GRIP1: variants seen among roughly 807,000 people sequenced by gnomAD.
GRIP1 encodes glutamate receptor interacting protein 1.
In GRIP1, 45 loss-of-function variants were observed where a neutral mutation model predicts 129.9. The observed-to-expected ratio is 0.35, with a 90% CI of 0.27 to 0.44. The LOEUF is 0.44. Ranked by LOEUF, GRIP1 falls within the 20% of genes least tolerant of loss-of-function variation. The pLI is 1.00. For synonymous variants in GRIP1, 530 were observed against 520.8 expected (o/e 1.02, Z -0.24); for missense variants, 1,196 against 1,396.8 (o/e 0.86, Z 2.29).
At chr12:66,958,199 G>A (rs2137522261) in intron 1 of GRIP1, among the ~76,000 whole-genome samples, 1 of 152,206 alleles carries the variant, frequency 6.6e-6, no homozygotes, top group South Asian at 2.1e-4. Flanking sequence ...CAGTGCAGTG[G>A]CACAATCATG....
intron 7 of GRIP1, among the ~76,000 whole-genome samples, chr12:66,473,138 G>C (rs554116159): frequency 4.9e-4 from 75 of 152,244 alleles, no homozygotes; most frequent in African/African-American, 1.7e-3. Context: ...AAGTTTGGTG[G>C]GGGGAGGGGC....
chr12:66,880,642 ATT>A (rs2040462387), intron 1 of GRIP1, among the ~76,000 whole-genome samples: 1 of 152,130 alleles, frequency 6.6e-6, no homozygotes, highest in African/African-American at 2.4e-5. Context: ...TTATAATTGG[ATT>A]TTATAATAAA....
At chr12:66,435,901 G>A (rs1305928544) in intron 13 of GRIP1, among the ~76,000 whole-genome samples, 1 of 152,082 alleles carries the variant, frequency 6.6e-6, no homozygotes, top group Non-Finnish European at 1.5e-5. Flanking sequence ...ATCTTTAAAT[G>A]CCAACATGAT....
At chr12:66,615,463 A>G (rs1177181175) in intron 1 of GRIP1, among the ~76,000 whole-genome samples, 1 of 152,052 alleles carries the variant, frequency 6.6e-6, no homozygotes, top group Non-Finnish European at 1.5e-5. Flanking sequence ...TCCTTATCGT[A>G]TATTATACCT....
rs143357971 is a variant in GRIP1 at position 66,824,359 on chromosome 12, C to T, written c.59-227432G>A. 1.7e-3 allele frequency among the ~76,000 whole-genome samples: 254 copies of T among 152,276 alleles called. 1 individual carries two copies. Among genetic ancestry groups the T allele is most frequent in the African/African-American group, 5.4e-3 (223 of 41,560 alleles). The stretch of plus-strand genomic sequence containing the variant: ...GAAGCTCCAGGCCCAGGTCATGCGT[C>T]TACACTAGGACTGCCTCATATGATG... On this transcript the variant is annotated intron_variant, in intron 1 of 1. Transcript: ENST00000643019.
chr12:66,798,909 G>A (rs1371446262), intron 1 of GRIP1, among the ~76,000 whole-genome samples: 1 of 152,060 alleles, frequency 6.6e-6, no homozygotes, highest in South Asian at 2.1e-4. Flanking sequence ...CACCTATCAG[G>A]GAACTAAGTA....
chr12:66,673,482 T>C (rs2034178141), intron 1 of GRIP1, among the ~76,000 whole-genome samples: 1 of 151,740 alleles, frequency 6.6e-6, no homozygotes, highest in Non-Finnish European at 1.5e-5. Flanking sequence ...CTTGTTTATA[T>C]GGGGTCATAC....
In GRIP1 at chr12:66,723,292, CTTTCTTTCTTTCTTTTTTTTT is replaced by C. The variant is rs1565988035; in HGVS notation, c.-420+80740_-420+80760del. On this transcript the variant is annotated intron_variant, in intron 1 of 4. Transcript: ENST00000538373. ...CCTTCCTTCCTTCCTTCCTTTCTTT[CTTTCTTTCTTTCTTTTTTTTT>C]TTTTTTTTTTTTTTTTTGAGACAGA... Among the ~76,000 whole-genome samples the C allele has an allele frequency of 8.7e-3, 245 of 28,292 alleles. 24 individuals carry two copies. Among genetic ancestry groups the C allele is most frequent in the African/African-American group, 0.042 (234 of 5,596 alleles). 18.6% of individuals were successfully genotyped at this position (28,292 alleles called of 152,430 possible).
intron 1 of GRIP1, among the ~76,000 whole-genome samples, chr12:66,928,919 T>C (rs890660799): frequency 2.0e-5 from 3 of 152,212 alleles, no homozygotes; most frequent in African/African-American, 7.2e-5. Flanking sequence ...CAGGGAAAGA[T>C]GGTATGTTTA....
At chr12:66,825,915 C>G (rs1466286208) in intron 1 of GRIP1, among the ~76,000 whole-genome samples, 1 of 152,154 alleles carries the variant, frequency 6.6e-6, no homozygotes, top group Non-Finnish European at 1.5e-5. Flanking sequence ...CTTCAAGGAT[C>G]TAGAACCAGA....
At chr12:66,838,187 T>A (rs1292413516) in intron 1 of GRIP1, among the ~76,000 whole-genome samples, 11 of 137,510 alleles carry the variant, frequency 8.0e-5, no homozygotes, top group East Asian at 2.2e-4. Flanking sequence ...AGACTCCACC[T>A]AAAAAAAAAA....
At chr12:66,650,276 C>T (rs1041541271) in intron 1 of GRIP1, among the ~76,000 whole-genome samples, 1 of 152,160 alleles carries the variant, frequency 6.6e-6, no homozygotes, top group Non-Finnish European at 1.5e-5. Flanking sequence ...ATCTATGCCA[C>T]CTGTATCTCA....
At chr12:66,609,923 A>T (rs2064716384) in intron 1 of GRIP1, among the ~76,000 whole-genome samples, 1 of 152,172 alleles carries the variant, frequency 6.6e-6, no homozygotes, top group South Asian at 2.1e-4. Context: ...GAATTCTATT[A>T]GTAATAATAC....
intron 1 of GRIP1, among the ~76,000 whole-genome samples, chr12:66,878,692 T>C (rs2040423160): frequency 6.6e-6 from 1 of 152,034 alleles, no homozygotes; most frequent in Admixed American, 6.6e-5. Flanking sequence ...ACAATGCAGA[T>C]AAAAATCCCT....
intron 2 of GRIP1, among the ~76,000 whole-genome samples, chr12:66,560,150 C>A (rs1436667470): frequency 6.6e-6 from 1 of 152,052 alleles, no homozygotes; most frequent in African/African-American, 2.4e-5. Flanking sequence ...CCATCTCTTG[C>A]CATATACAAA....
intron 1 of GRIP1, among the ~76,000 whole-genome samples, chr12:66,778,629 A>G (rs1396769280): frequency 1.3e-5 from 2 of 152,226 alleles, no homozygotes; most frequent in Non-Finnish European, 2.9e-5. Flanking sequence ...TATGACAAAA[A>G]AAGAATGTAA....
At chr12:66,829,018 C>A (rs1344991673) in intron 1 of GRIP1, among the ~76,000 whole-genome samples, 1 of 152,110 alleles carries the variant, frequency 6.6e-6, no homozygotes, top group Non-Finnish European at 1.5e-5. Context: ...AAAATGCCCA[C>A]CTCCCCAGGA....
intron 1 of GRIP1, among the ~76,000 whole-genome samples, chr12:66,648,073 T>C (rs1176799274): frequency 6.6e-6 from 1 of 152,132 alleles, no homozygotes; most frequent in East Asian, 1.9e-4. Context: ...CCACCCACTC[T>C]TCCCCCCTCC....
At chr12:67,019,975 T>C (rs1262668495) in intron 1 of GRIP1, among the ~76,000 whole-genome samples, 1 of 152,204 alleles carries the variant, frequency 6.6e-6, no homozygotes, top group Non-Finnish European at 1.5e-5. Flanking sequence ...TTGAACTCAG[T>C]TAAAGACTTC....
Sources: gnomAD v4.1 joint callset for allele counts (sites outside exome capture counted in the v4.1 genomes callset) on GRCh38, gnomAD v4.1.1 for gene constraint, MANE v1.5 for transcripts, NCBI Gene and HGNC (gene_info 2026-07-23, HGNC 2026-07-21) for gene names.